Variants in SCML4 observed in about 807,000 individuals in gnomAD.
The protein encoded by SCML4 is Scm polycomb group protein like 4.
Under a neutral mutation model 41.1 loss-of-function variants are expected in SCML4, and 34 were observed. The ratio of observed to expected loss-of-function variants is 0.83; its 90% CI spans 0.63 to 1.10. The LOEUF is 1.10. Ranked by LOEUF, SCML4 falls within the 50% of genes least tolerant of loss-of-function variation. SCML4 has a pLI of 0.00. For missense variants in SCML4, 522 were observed against 534.1 expected (o/e 0.98, Z 0.22); for synonymous variants, 214 against 220.9 (o/e 0.97, Z 0.28).
chr6:107,832,125 G>A, the SCML4 span, among the ~76,000 whole-genome samples: 2 of 151,920 alleles, frequency 1.3e-5, no homozygotes, highest in African/African-American at 4.8e-5. Context: ...GGTAGTCCCA[G>A]CTACTCGGGA....
intron 2 of SCML4, among the ~76,000 whole-genome samples, chr6:107,751,575 T>TTTCTTTCTTTCTTTCTTTCC (rs1778633464): frequency 2.3e-5 from 1 of 44,124 alleles, no homozygotes; most frequent in African/African-American, 9.4e-5. Flanking sequence ...TTTAACAATC[T>TTTCTTTCTTTCTTTCTTTCC]TTCTTTCTTT....
At chr6:107,843,583 C>T in the SCML4 span, among the ~76,000 whole-genome samples, 4 of 152,246 alleles carry the variant, frequency 2.6e-5, no homozygotes, top group South Asian at 8.3e-4. Flanking sequence ...TTCCGTCACC[C>T]ACCCACATCT....
intron 1 of SCML4, among the ~76,000 whole-genome samples, chr6:107,813,402 AT>A (rs1784334096): frequency 1.7e-5 from 1 of 58,094 alleles, no homozygotes. Context: ...ATATATATAT[AT>A]ATATATATAT....
intron 7 of SCML4, among the ~76,000 whole-genome samples, chr6:107,707,241 G>T (rs1056427091): frequency 6.6e-6 from 1 of 152,188 alleles, no homozygotes; most frequent in African/African-American, 2.4e-5. Flanking sequence ...GGCAGAGGCT[G>T]CAGTGAGCCG....
At chr6:107,730,306 C>G (rs1313428893) in intron 5 of SCML4, among the ~76,000 whole-genome samples, 3 of 152,178 alleles carry the variant, frequency 2.0e-5, no homozygotes, top group Non-Finnish European at 4.4e-5. Context: ...TCCCGGCAGA[C>G]CGTAGGGCTC....
the SCML4 span, among the ~76,000 whole-genome samples, chr6:107,839,736 A>G: frequency 3.7e-4 from 56 of 152,246 alleles, 1 homozygote; most frequent in African/African-American, 1.3e-3. Flanking sequence ...GAGAGCTCAC[A>G]AGTACTATAA....
chr6:107,764,044 A>G (rs1336756005), intron 2 of SCML4, among the ~76,000 whole-genome samples: 1 of 152,214 alleles, frequency 6.6e-6, no homozygotes, highest in East Asian at 1.9e-4. Flanking sequence ...TTCTGAGGAG[A>G]TGCTCCAGGG....
rs919507901 is a variant in SCML4, at chr6:107,772,475, G to A, written c.-59-89C>T. 5 of 704,686 alleles carry A rather than the reference G, an allele frequency of 7.1e-6. No individual in the cohort carries two copies. In the South Asian group the frequency reaches 8.6e-5, roughly 12 times the overall value. The allele number at this position is 704,686 out of a possible 1,614,324, so 43.7% of individuals were successfully genotyped here. Reference sequence around the variant, plus strand: ...AACATGATCCTGTCTGGTGATTTTGGCGATACCTACCACTTATTGGAGGGG... The same window carrying A: ...AACATGATCCTGTCTGGTGATTTTGACGATACCTACCACTTATTGGAGGGG... On this transcript the variant is annotated intron_variant, in intron 1 of 7. Transcript: ENST00000369020.
rs546258538 is a variant in SCML4, at chr6:107,717,143, CAAAAAAAAAAAAA to C, written c.973+3547_973+3559del. 6.6e-4 allele frequency among the ~76,000 whole-genome samples: 42 copies of C among 63,536 alleles called. 1 individual carries two copies. The highest frequency in any genetic ancestry group is 8.5e-3 in the Middle Eastern group (1 of 118). 41.7% of individuals were successfully genotyped at this position (63,536 alleles called of 152,430 possible). On this transcript the variant is annotated intron_variant, in intron 6 of 7. Transcript: ENST00000369020. ...TGAAACCCCGTCTCTACTAAAAATA[CAAAAAAAAAAAAA>C]AAAAAAAAAAAAAAAAAGCCAGGTG...
chr6:107,813,728 G>A (rs1252598844), intron 1 of SCML4, among the ~76,000 whole-genome samples: 1 of 152,184 alleles, frequency 6.6e-6, no homozygotes, highest in African/African-American at 2.4e-5. Context: ...TTAAAAACAA[G>A]TTCAAACTTG....
intron 2 of SCML4, among the ~76,000 whole-genome samples, chr6:107,766,369 CAAA>C (rs11349348): frequency 4.4e-5 from 4 of 89,986 alleles, no homozygotes; most frequent in Admixed American, 1.1e-4. Flanking sequence ...GACTCCGTCT[CAAA>C]AAAAAAAAAA....
intron 5 of SCML4, chr6:107,740,249 C>A (rs1777463029): frequency 2.2e-6 from 1 of 446,192 alleles, no homozygotes; most frequent in Non-Finnish European, 4.6e-6. Flanking sequence ...AAGTGTGAGA[C>A]CACCATGCGG....
At chr6:107,707,573 TTC>T (rs1773781314) in intron 7 of SCML4, among the ~76,000 whole-genome samples, 1 of 152,168 alleles carries the variant, frequency 6.6e-6, no homozygotes, top group African/African-American at 2.4e-5. Context: ...GTTTGTTGCA[TTC>T]ACAGACGGCT....
upstream of SCML4, among the ~76,000 whole-genome samples, chr6:107,824,468 G>A (rs1274868336): frequency 6.2e-4 from 2 of 3,204 alleles, no homozygotes; most frequent in African/African-American, 1.2e-3. Flanking sequence ...GCCTCTGTGT[G>A]TGTGTGTGTG....
intron 1 of SCML4, among the ~76,000 whole-genome samples, chr6:107,781,275 GA>G (rs1781468584): frequency 6.6e-6 from 1 of 152,048 alleles, no homozygotes; most frequent in African/African-American, 2.4e-5. Context: ...AGCTTGTCCT[GA>G]AAAAAATAGG....
intron 7 of SCML4, among the ~76,000 whole-genome samples, chr6:107,707,375 T>TAA (rs57892324): frequency 6.6e-6 from 1 of 152,010 alleles, no homozygotes; most frequent in African/African-American, 2.4e-5. Context: ...TTCTTATCTT[T>TAA]AAAAAAATTA....
At chr6:107,754,346 C>A (rs915138354) in intron 2 of SCML4, among the ~76,000 whole-genome samples, 1 of 152,222 alleles carries the variant, frequency 6.6e-6, no homozygotes, top group African/African-American at 2.4e-5. Flanking sequence ...AGATCATAAA[C>A]CTGTTTTGAC....
intron 5 of SCML4, among the ~76,000 whole-genome samples, chr6:107,740,678 A>G (rs1243527570): frequency 6.6e-6 from 1 of 152,252 alleles, no homozygotes; most frequent in Non-Finnish European, 1.5e-5. Context: ...ATTTACCCCC[A>G]GAGGCCTTGG....
intron 1 of SCML4, among the ~76,000 whole-genome samples, chr6:107,808,411 T>G (rs1199150388): frequency 6.6e-6 from 1 of 150,660 alleles, no homozygotes; most frequent in Non-Finnish European, 1.5e-5. Context: ...TGAAGAGTGC[T>G]GGTTTGTTTT....
Sources: gnomAD v4.1 joint callset for allele counts (sites outside exome capture counted in the v4.1 genomes callset) on GRCh38, gnomAD v4.1.1 for gene constraint, MANE v1.5 for transcripts, NCBI Gene and HGNC (gene_info 2026-07-23, HGNC 2026-07-21) for gene names.